NT5C2: variants seen among roughly 807,000 people sequenced by gnomAD.
NT5C2 encodes the protein cytosolic purine 5'-nucleotidase.
Under a neutral mutation model 76.1 loss-of-function variants are expected in NT5C2, and 58 were observed. The ratio of observed to expected loss-of-function variants is 0.76; its 90% CI spans 0.62 to 0.95. The LOEUF (loss-of-function observed/expected upper bound fraction) is 0.95, where lower values mean the gene tolerates loss of function less well. Among genes scored for constraint, NT5C2 ranks in the 40% least tolerant of loss-of-function variants. The pLI is 0.00. For missense variants in NT5C2, 478 were observed against 690.3 expected (o/e 0.69, Z 3.45); for synonymous variants, 229 against 237.4 (o/e 0.96, Z 0.32).
chr10:103,110,371 G>A (rs2072662456), intron 4 of NT5C2, among the ~76,000 whole-genome samples: 1 of 152,150 alleles, frequency 6.6e-6, no homozygotes, highest in South Asian at 2.1e-4. Flanking sequence ...CAGGAGAAAT[G>A]CTTGAACCCA....
chr10:103,098,329 C>T (rs1017707984), intron 10 of NT5C2: 4 of 262,550 alleles, frequency 1.5e-5, no homozygotes, highest in African/African-American at 9.5e-5. Flanking sequence ...AGGTTTGCCA[C>T]TAATGCCTTT....
intron 9 of NT5C2, 95 bp downstream of exon 9, chr10:103,099,831 A>T (rs545931076): frequency 1.3e-5 from 10 of 769,174 alleles, no homozygotes; most frequent in African/African-American, 1.2e-4. Context: ...TTCTTTTTTT[A>T]AAAAAAGAAA....
intron 4 of NT5C2, among the ~76,000 whole-genome samples, chr10:103,116,583 TTTTC>T (rs1177924272): frequency 2.8e-4 from 38 of 134,398 alleles, no homozygotes; most frequent in Non-Finnish European, 2.8e-4. Flanking sequence ...TCTTTTTTTT[TTTTC>T]TTTTTTTTTT....
At chr10:103,130,969 A>G (rs1470748464) in intron 4 of NT5C2, among the ~76,000 whole-genome samples, 1 of 152,206 alleles carries the variant, frequency 6.6e-6, no homozygotes, top group Non-Finnish European at 1.5e-5. Context: ...CTTTCCAAAA[A>G]GAAGTCATAT....
chr10:103,123,510 T>C (rs2076095057), intron 4 of NT5C2, among the ~76,000 whole-genome samples: 1 of 152,180 alleles, frequency 6.6e-6, no homozygotes, highest in Non-Finnish European at 1.5e-5. Flanking sequence ...CAATCATGCC[T>C]GGCCTTATTT....
intron 3 of NT5C2, among the ~76,000 whole-genome samples, chr10:103,167,181 A>C (rs2086624495): frequency 6.6e-6 from 1 of 151,812 alleles, no homozygotes; most frequent in Non-Finnish European, 1.5e-5. Context: ...ACACCTGGCT[A>C]ATTTTTGTAT....
chr10:103,132,885 A>G (rs2078485334), intron 4 of NT5C2, among the ~76,000 whole-genome samples: 1 of 152,212 alleles, frequency 6.6e-6, no homozygotes, highest in South Asian at 2.1e-4. Flanking sequence ...AATTATGTCA[A>G]GAGTTAAAAA....
intron 3 of NT5C2, among the ~76,000 whole-genome samples, chr10:103,172,358 C>T (rs2088379393): frequency 6.7e-6 from 1 of 149,748 alleles, no homozygotes; most frequent in Non-Finnish European, 1.5e-5. Context: ...ACACCATTCT[C>T]CTGCCTCAGC....
At chr10:103,135,275 C>G (rs2078962384) in intron 4 of NT5C2, among the ~76,000 whole-genome samples, 1 of 152,146 alleles carries the variant, frequency 6.6e-6, no homozygotes, top group Non-Finnish European at 1.5e-5. Flanking sequence ...AGGAGGGATC[C>G]AGTGGGAGGT....
chr10:103,139,615 T>A, intron 3 of NT5C2, 136 bp from the exon 4 acceptor site: 1 of 603,108 alleles, frequency 1.7e-6, no homozygotes, highest in East Asian at 3.0e-5. Flanking sequence ...AATTATATAT[T>A]AAGATGTATA....
In NT5C2 at chr10:103,091,742, T is replaced by G; in HGVS notation, c.1160-127A>C. On this transcript the variant is annotated intron_variant, in intron 15 of 18. Transcript: ENST00000404739. ...GAACCTGGGACTAACATGCTGAGTG[T>G]ACAGTTACCTCCTCTTCCCCTCTTC... is the stretch of plus-strand genomic sequence containing the variant. 5.6e-6 allele frequency: 4 copies of G among 718,154 alleles called. No homozygotes were observed. In the Admixed American group the frequency reaches 8.7e-5, roughly 16 times the overall value. 44.5% of individuals were successfully genotyped at this position (718,154 alleles called of 1,614,324 possible).
At chr10:103,170,610 CCT>C (rs2087704230) in intron 3 of NT5C2, among the ~76,000 whole-genome samples, 1 of 150,394 alleles carries the variant, frequency 6.6e-6, no homozygotes, top group Non-Finnish European at 1.5e-5. Context: ...ACAGCGTCCA[CCT>C]CTCAGACGCA....
chr10:103,129,414 G>T (rs1451353040), intron 4 of NT5C2, among the ~76,000 whole-genome samples: 21 of 99,102 alleles, frequency 2.1e-4, no homozygotes, highest in East Asian at 1.8e-3. Context: ...CTGCCCGGCC[G>T]CCCCTACTGG....
At chr10:103,158,816 C>CT (rs1215928309) in intron 3 of NT5C2, among the ~76,000 whole-genome samples, 2 of 116,388 alleles carry the variant, frequency 1.7e-5, no homozygotes, top group East Asian at 5.2e-4. Context: ...AGACTCTTAT[C>CT]TAAAAAAAAA....
At chr10:103,185,381 C>T (rs907785496) in intron 1 of NT5C2, among the ~76,000 whole-genome samples, 2 of 151,810 alleles carry the variant, frequency 1.3e-5, no homozygotes, top group African/African-American at 4.8e-5. Context: ...TGCAGTGGCT[C>T]ACACCTATAA....
intron 3 of NT5C2, among the ~76,000 whole-genome samples, chr10:103,149,922 A>G (rs1220990875): frequency 6.6e-6 from 1 of 151,920 alleles, no homozygotes; most frequent in African/African-American, 2.4e-5. Context: ...GACACTGCAA[A>G]GAGAGTATAT....
intron 3 of NT5C2, among the ~76,000 whole-genome samples, chr10:103,155,250 G>A (rs1347854348): frequency 1.3e-5 from 2 of 152,116 alleles, no homozygotes; most frequent in East Asian, 1.9e-4. Context: ...CAACAGAGAG[G>A]GACATATAGA....
intron 4 of NT5C2, among the ~76,000 whole-genome samples, chr10:103,129,778 A>G (rs1591235959): frequency 9.1e-6 from 1 of 109,532 alleles, no homozygotes; most frequent in African/African-American, 3.5e-5. Flanking sequence ...CCGCCCGGCC[A>G]GCCGCCCCGT....
intron 3 of NT5C2, among the ~76,000 whole-genome samples, chr10:103,167,377 C>T (rs541803922): frequency 1.2e-4 from 19 of 152,098 alleles, no homozygotes; most frequent in Non-Finnish European, 2.2e-4. Flanking sequence ...CTATATTTTC[C>T]GCATGATTTT....
Sources: allele counts gnomAD v4.1 joint callset (sites outside exome capture counted in the v4.1 genomes callset), GRCh38; gene constraint gnomAD v4.1.1; transcripts MANE v1.5; gene names NCBI Gene and HGNC (gene_info 2026-07-23, HGNC 2026-07-21).